The following GPC5 variants were observed in gnomAD, a reference collection of about 807,000 sequenced individuals.
GPC5 encodes the protein glypican-5.
In GPC5, 47 loss-of-function variants were observed where a neutral mutation model predicts 53.9. The observed-to-expected ratio is 0.87, with a 90% confidence interval of 0.69 to 1.11. The LOEUF is 1.11. Among genes scored for constraint, GPC5 ranks in the 50% most tolerant of loss-of-function variants. The probability of loss-of-function intolerance (pLI) is 0.00; values close to 1 mark genes in which losing one functional copy is unlikely to be tolerated. For synonymous variants in GPC5, 286 were observed against 263.3 expected (o/e 1.09, Z -0.84); for missense variants, 748 against 713.1 (o/e 1.05, Z -0.56).
intron 6 of GPC5, among the ~76,000 whole-genome samples, chr13:92,112,232 G>A (rs186665400): frequency 5.6e-4 from 85 of 152,162 alleles, no homozygotes; most frequent in Non-Finnish European, 1.1e-3. Flanking sequence ...TCTTGACTGC[G>A]GAGACATCAG....
rs1370326644 is a variant in GPC5, at chr13:92,529,668, T to G, written c.1562-336614T>G. On this transcript the variant is annotated intron_variant, in intron 7 of 7. Coordinates refer to ENST00000377067, the MANE Select transcript of GPC5 (RefSeq NM_004466.6). The stretch of plus-strand genomic sequence containing the variant: ...AGCTGGACTTACATCATTTAAATAT[T>G]CTTCCTAAACTATATAAGAAAACAC... 2.6e-5 allele frequency among the ~76,000 whole-genome samples: 4 copies of G among 152,176 alleles called. No homozygotes were observed. The East Asian group carries it at 5.8e-4, about 22-fold the overall frequency.
At chr13:92,166,948 TCTCTCTCTCACACA>T (rs1408931434) in intron 7 of GPC5, among the ~76,000 whole-genome samples, 647 of 57,226 alleles carry the variant, frequency 0.011, 7 homozygotes, top group African/African-American at 0.033. Context: ...TCTCTCTCTC[TCTCTCTCTCACACA>T]CACACACACA....
chr13:92,624,645 C>G (rs1368772655), intron 7 of GPC5, among the ~76,000 whole-genome samples: 1 of 152,154 alleles, frequency 6.6e-6, no homozygotes, highest in Admixed American at 6.5e-5. Context: ...CCACTTTACC[C>G]AATTCAGTAT....
chr13:91,471,417 G>A (rs1469018776), intron 2 of GPC5, among the ~76,000 whole-genome samples: 1 of 151,728 alleles, frequency 6.6e-6, no homozygotes, highest in Non-Finnish European at 1.5e-5. Flanking sequence ...ATGGACCTTT[G>A]GTATAAAGCT....
intron 7 of GPC5, among the ~76,000 whole-genome samples, chr13:92,690,568 G>A (rs1425842998): frequency 2.1e-5 from 3 of 142,572 alleles, no homozygotes; most frequent in South Asian, 2.4e-4. Context: ...CTCTCAGCTC[G>A]TCAAAATAAT....
chr13:92,267,853 A>T, intron 7 of GPC5, among the ~76,000 whole-genome samples: 1 of 151,904 alleles, frequency 6.6e-6, no homozygotes, highest in East Asian at 1.9e-4. Flanking sequence ...TAAGAAGAAA[A>T]CTCCCAACCC....
chr13:91,981,183 C>T (rs1393151600), intron 6 of GPC5, among the ~76,000 whole-genome samples: 2 of 152,152 alleles, frequency 1.3e-5, no homozygotes, highest in African/African-American at 4.8e-5. Context: ...AAGTGATTAC[C>T]AGCATTTTAT....
chr13:91,918,577 T>G (rs2039681638), intron 6 of GPC5, among the ~76,000 whole-genome samples: 1 of 152,204 alleles, frequency 6.6e-6, no homozygotes, highest in Admixed American at 6.5e-5. Flanking sequence ...CACCCACTAG[T>G]AATTTCCCAA....
chr13:92,253,927 A>G (rs183563885), intron 7 of GPC5, among the ~76,000 whole-genome samples: 1 of 152,252 alleles, frequency 6.6e-6, no homozygotes, highest in East Asian at 1.9e-4. Flanking sequence ...TGGAATGTCT[A>G]TAGAGTGTCA....
At chr13:92,413,586 G>T (rs1594180727) in intron 7 of GPC5, among the ~76,000 whole-genome samples, 1 of 152,274 alleles carries the variant, frequency 6.6e-6, no homozygotes, top group East Asian at 1.9e-4. Flanking sequence ...AGGGAATAGT[G>T]GGACAGATAA....
chr13:91,916,418 A>T (rs1253710867), intron 6 of GPC5, among the ~76,000 whole-genome samples: 2 of 152,244 alleles, frequency 1.3e-5, no homozygotes, highest in African/African-American at 4.8e-5. Flanking sequence ...CTATATAAAT[A>T]AAATGAGATA....
At chr13:92,139,318 A>C (rs1209161613) in intron 6 of GPC5, among the ~76,000 whole-genome samples, 3 of 152,148 alleles carry the variant, frequency 2.0e-5, no homozygotes, top group South Asian at 2.1e-4. Context: ...GTATGTAATC[A>C]CTTCTTAAGA....
intron 7 of GPC5, among the ~76,000 whole-genome samples, chr13:92,823,124 G>A (rs185785245): frequency 1.9e-3 from 283 of 152,096 alleles, no homozygotes; most frequent in Middle Eastern, 3.4e-3. Context: ...CTTTCAAGTC[G>A]AACTGTCATT....
intron 4 of GPC5, among the ~76,000 whole-genome samples, chr13:91,740,620 T>C (rs1039632581): frequency 6.6e-5 from 10 of 152,294 alleles, no homozygotes; most frequent in Non-Finnish European, 1.3e-4. Flanking sequence ...CCCTGAGTGA[T>C]TGATACATAC....
At chr13:92,674,835 C>A (rs925466256) in intron 7 of GPC5, among the ~76,000 whole-genome samples, 4 of 151,862 alleles carry the variant, frequency 2.6e-5, no homozygotes, top group African/African-American at 9.7e-5. Flanking sequence ...GAGAAAATAG[C>A]AAAAATTCAG....
chr13:91,944,124 C>T (rs2039953494), intron 6 of GPC5, among the ~76,000 whole-genome samples: 1 of 151,420 alleles, frequency 6.6e-6, no homozygotes, highest in Non-Finnish European at 1.5e-5. Context: ...AAGACTGAGT[C>T]TGGCTCTGTC....
intron 7 of GPC5, among the ~76,000 whole-genome samples, chr13:92,641,640 A>G (rs1885598219): frequency 6.6e-6 from 1 of 152,202 alleles, no homozygotes; most frequent in Admixed American, 6.5e-5. Context: ...TTTGAGGGGA[A>G]GAATTTCTTC....
intron 2 of GPC5, among the ~76,000 whole-genome samples, chr13:91,489,557 T>A (rs905555509): frequency 1.3e-5 from 2 of 152,194 alleles, no homozygotes; most frequent in Admixed American, 1.3e-4. Flanking sequence ...ACTTTAAAAA[T>A]TATTTCAGTT....
chr13:92,279,281 C>T (rs926731576), intron 7 of GPC5, among the ~76,000 whole-genome samples: 3 of 151,986 alleles, frequency 2.0e-5, no homozygotes, highest in African/African-American at 4.8e-5. Flanking sequence ...GCTTTGGATG[C>T]TATCATAAAT....
Sources: allele counts gnomAD v4.1 joint callset (sites outside exome capture counted in the v4.1 genomes callset), GRCh38; gene constraint gnomAD v4.1.1; transcripts MANE v1.5; gene names NCBI Gene and HGNC (gene_info 2026-07-23, HGNC 2026-07-21).